Variants in PHACTR1 observed in about 807,000 individuals in gnomAD.
The protein encoded by PHACTR1 is RPEL repeat containing 1.
A neutral mutation model predicts 69.2 loss-of-function variants in PHACTR1; 16 were observed. The ratio of observed to expected loss-of-function variants is 0.23; its 90% confidence interval spans 0.16 to 0.35. The LOEUF is 0.35. Among genes scored for constraint, PHACTR1 ranks in the 10% least tolerant of loss-of-function variants. The pLI, the probability that PHACTR1 is intolerant of heterozygous loss-of-function variation, is 1.00. For synonymous variants in PHACTR1, 312 were observed against 284.5 expected (o/e 1.10, Z -0.97); for missense variants, 510 against 734.7 (o/e 0.69, Z 3.54).
chr6:12,819,478 G>A (rs185745070), intron 4 of PHACTR1, among the ~76,000 whole-genome samples: 1 of 152,100 alleles, frequency 6.6e-6, no homozygotes, highest in African/African-American at 2.4e-5. Context: ...CACGCAGTAA[G>A]GTAGGAGTTA....
chr6:12,784,120 TATATACATATGCAC>T (rs1771185588), intron 4 of PHACTR1, among the ~76,000 whole-genome samples: 1 of 152,070 alleles, frequency 6.6e-6, no homozygotes, highest in South Asian at 2.1e-4. Context: ...TACATGATGA[TATATACATATGCAC>T]ATATACATAT....
At chr6:13,127,858 C>T (rs763350696) in intron 5 of PHACTR1, among the ~76,000 whole-genome samples, 4 of 151,974 alleles carry the variant, frequency 2.6e-5, no homozygotes, top group Admixed American at 6.6e-5. Flanking sequence ...TCCATTCTCA[C>T]GCAGCTATAA....
chr6:13,104,941 C>T (rs1305466111), intron 5 of PHACTR1, among the ~76,000 whole-genome samples: 3 of 152,166 alleles, frequency 2.0e-5, no homozygotes, highest in Non-Finnish European at 4.4e-5. Flanking sequence ...TTTTGGAGAG[C>T]ATTTGAACTA....
At chr6:12,944,944 G>T (rs982699757) in intron 4 of PHACTR1, among the ~76,000 whole-genome samples, 14 of 151,862 alleles carry the variant, frequency 9.2e-5, no homozygotes, top group African/African-American at 2.9e-4. Flanking sequence ...CACCACGCCT[G>T]GCTAATTTTT....
intron 4 of PHACTR1, among the ~76,000 whole-genome samples, chr6:12,864,215 A>G (rs1476190539): frequency 6.6e-6 from 1 of 152,198 alleles, no homozygotes; most frequent in Admixed American, 6.5e-5. Context: ...TACTGCATGT[A>G]TGTGAATTGC....
chr6:13,273,506 G>A (rs1229828706), intron 11 of PHACTR1: 1 of 152,236 alleles, frequency 6.6e-6, no homozygotes, highest in Admixed American at 6.6e-5. Context: ...TTTCACCATT[G>A]CTGCAGACAG....
At chr6:12,870,162 C>T (rs2127439024) in intron 4 of PHACTR1, among the ~76,000 whole-genome samples, 1 of 151,502 alleles carries the variant, frequency 6.6e-6, no homozygotes, top group Admixed American at 6.6e-5. Context: ...GTATCAACAA[C>T]ATCTCTAATT....
chr6:13,269,619 TC>T (rs1777341030), intron 10 of PHACTR1, among the ~76,000 whole-genome samples: 1 of 151,990 alleles, frequency 6.6e-6, no homozygotes, highest in African/African-American at 2.4e-5. Flanking sequence ...TCACCTAAGG[TC>T]AGGAGTTCAA....
At chr6:12,828,943 C>T (rs1777106529) in intron 4 of PHACTR1, among the ~76,000 whole-genome samples, 1 of 151,922 alleles carries the variant, frequency 6.6e-6, no homozygotes, top group South Asian at 2.1e-4. Flanking sequence ...TGTATATGTT[C>T]AAAAATCTAG....
At chr6:13,276,463 T>G (rs540646712) in intron 11 of PHACTR1, among the ~76,000 whole-genome samples, 3 of 149,880 alleles carry the variant, frequency 2.0e-5, no homozygotes, top group South Asian at 4.4e-4. Context: ...GCACAGGGGG[T>G]TTCCTTCCTT....
At chr6:13,258,253 GGGGAGGCAGGAGGATTGCTTGAACCT>G (rs1360392291) in intron 10 of PHACTR1, among the ~76,000 whole-genome samples, 1 of 151,970 alleles carries the variant, frequency 6.6e-6, no homozygotes, top group Non-Finnish European at 1.5e-5. Flanking sequence ...AGCTTCTAGG[GGGGAGGCAGGAGGATTGCTTGAACCT>G]GGGAGGCGGA....
At chr6:12,734,467 T>C (rs1180248097) in intron 3 of PHACTR1, among the ~76,000 whole-genome samples, 6 of 152,196 alleles carry the variant, frequency 3.9e-5, no homozygotes, top group Non-Finnish European at 5.9e-5. Context: ...TCCCATCTTA[T>C]AGATGTGTAA....
At chr6:12,968,889 A>G (rs2127578150) in intron 4 of PHACTR1, among the ~76,000 whole-genome samples, 1 of 152,238 alleles carries the variant, frequency 6.6e-6, no homozygotes, top group East Asian at 1.9e-4. Flanking sequence ...TTTAAAAAAG[A>G]AAGAAAGAAA....
intron 5 of PHACTR1, among the ~76,000 whole-genome samples, chr6:13,136,159 C>T (rs1297406519): frequency 6.6e-6 from 1 of 151,460 alleles, no homozygotes; most frequent in Non-Finnish European, 1.5e-5. Context: ...GTTTTTTGAC[C>T]CAAAAGTATT....
At chr6:12,826,074 T>C in intron 4 of PHACTR1, among the ~76,000 whole-genome samples, 1 of 152,322 alleles carries the variant, frequency 6.6e-6, no homozygotes, top group East Asian at 1.9e-4. Flanking sequence ...TTCTGTAATG[T>C]AGAGACTGAA....
At chr6:13,102,189 A>G (rs1381191807) in intron 5 of PHACTR1, among the ~76,000 whole-genome samples, 1 of 152,214 alleles carries the variant, frequency 6.6e-6, no homozygotes, top group African/African-American at 2.4e-5. Context: ...GTATTTAGCA[A>G]TCAGCATCTA....
At chr6:12,820,420 T>G (rs1044808882) in intron 4 of PHACTR1, among the ~76,000 whole-genome samples, 4 of 152,174 alleles carry the variant, frequency 2.6e-5, no homozygotes, top group Non-Finnish European at 5.9e-5. Context: ...GACTTCATGA[T>G]TCGCCCGCCT....
At chr6:13,030,584 A>G (rs933805680) in intron 4 of PHACTR1, among the ~76,000 whole-genome samples, 3 of 152,232 alleles carry the variant, frequency 2.0e-5, no homozygotes, top group Admixed American at 6.5e-5. Context: ...CTGAAGTAGA[A>G]TCCATTGCTC....
At chr6:13,167,938 T>G (rs1443275593) in intron 6 of PHACTR1, among the ~76,000 whole-genome samples, 1 of 152,240 alleles carries the variant, frequency 6.6e-6, no homozygotes, top group South Asian at 2.1e-4. Flanking sequence ...ATAAAACTTC[T>G]TCTCTGTATT....
Sources: gnomAD v4.1 joint callset for allele counts (sites outside exome capture counted in the v4.1 genomes callset) on GRCh38, gnomAD v4.1.1 for gene constraint, MANE v1.5 for transcripts, NCBI Gene and HGNC (gene_info 2026-07-23, HGNC 2026-07-21) for gene names.